The following HARBI1 variants were observed in gnomAD, a reference collection of about 807,000 sequenced individuals.
HARBI1 encodes putative nuclease HARBI1.
A neutral mutation model predicts 25.3 loss-of-function variants in HARBI1; 15 were observed. The ratio of observed to expected loss-of-function variants is 0.59; its 90% CI spans 0.40 to 0.91. The LOEUF (loss-of-function observed/expected upper bound fraction) is 0.91, where lower values mean the gene tolerates loss of function less well. Ranked by LOEUF, HARBI1 falls within the 40% of genes least tolerant of loss-of-function variation. The probability of loss-of-function intolerance (pLI) is 0.00; values close to 1 mark genes in which losing one functional copy is unlikely to be tolerated. For synonymous variants in HARBI1, 168 were observed against 160.5 expected (o/e 1.05, Z -0.35); for missense variants, 396 against 445.8 (o/e 0.89, Z 1.01).
chr11:46,616,879 C>T, intron 1 of HARBI1: 5 of 944,310 alleles, frequency 5.3e-6, no homozygotes, highest in Non-Finnish European at 6.2e-6. Context: ...AAGTCCACAA[C>T]CCAGCCTTAT....
upstream of HARBI1, chr11:46,617,410 GA>G (rs1394408021): frequency 8.8e-5 from 14 of 159,892 alleles, no homozygotes; most frequent in African/African-American, 3.4e-4. Context: ...GATTGGAGAA[GA>G]AAGCTTACGT....
chr11:46,610,216 A>T (rs965513918), intron 2 of HARBI1, among the ~76,000 whole-genome samples: 2 of 152,038 alleles, frequency 1.3e-5, no homozygotes, highest in Admixed American at 6.6e-5. Context: ...ACTACTCGGT[A>T]GACTGATGTG....
rs1396348815 is a variant in HARBI1 at position 46,616,103 on chromosome 11, G to A, written c.135C>T (p.Phe45=). 1.9e-6 allele frequency: 3 copies of A among 1,614,156 alleles called. No homozygotes were observed. Among genetic ancestry groups the A allele is most frequent in the Non-Finnish European group, 2.5e-6 (3 of 1,180,038 alleles). Residue 45 remains phenylalanine (F), a synonymous_variant, in exon 2 of 3, where the codon TTC becomes TTT. Coordinates refer to ENST00000326737, the MANE Select transcript of HARBI1 (RefSeq NM_173811.4). ...LMSMYGFPRQ[F]IYYLVELLGA... The stretch of plus-strand genomic sequence containing the variant: ...CCAAGAGCTCCACCAAGTAATAAAT[G>A]AACTGCCGTGGAAACCCATACATGG...
At position 46,603,659 on chromosome 11, in the gene HARBI1, C is replaced by T. The variant is rs2044834022; in HGVS notation, c.921G>A (p.Met307Ile). The change falls in exon 3 of 3, where the codon ATG (methionine) becomes ATA (isoleucine). Residue 307 changes from methionine to isoleucine, a missense_variant. Transcript: ENST00000326737. ...VLHNISLEHG[M>I]DVWSSPMTGP... ...CTGTCATTGGAGAGGACCAAACATC[C>T]ATCCCATGCTCCAGGGAGATGTTGT... The T allele has an allele frequency of 6.2e-7, 1 of 1,614,212 alleles. No homozygotes were observed. Among genetic ancestry groups the T allele is most frequent in the East Asian group, 2.2e-5 (1 of 44,886 alleles).
In HARBI1 at chr11:46,603,903, C is replaced by G. The variant is rs568221882; in HGVS notation, c.677G>C (p.Ser226Thr). 6.2e-7 allele frequency: 1 copy of G among 1,608,544 alleles called. No homozygotes were observed. Among genetic ancestry groups the G allele is most frequent in the South Asian group, 1.1e-5 (1 of 90,500 alleles). The change falls in exon 3 of 3, where the codon AGT becomes ACT. Residue 226 changes from serine to threonine, a missense_variant. Physicochemically the swap from Ser to Thr is moderately conservative, Grantham distance 58 (BLOSUM62 1). Transcript: ENST00000326737. Reference sequence around the variant, plus strand: ...GAGCCAGGTTCGAAGAAAGAAGGAACTGTCACCTGTGGGGAAGGCCCAAAT... The same window carrying G: ...GAGCCAGGTTCGAAGAAAGAAGGAAGTGTCACCTGTGGGGAAGGCCCAAAT... ...MHKDSWLLGDSSFFLRTWLMT... is the reference protein window; with the variant it reads ...MHKDSWLLGDTSFFLRTWLMT...
chr11:46,608,614 A>T (rs74790759), intron 2 of HARBI1, among the ~76,000 whole-genome samples: 1 of 149,470 alleles, frequency 6.7e-6, no homozygotes, highest in African/African-American at 2.5e-5. Context: ...CCTGGCAATT[A>T]AAAAAAAAAT....
In HARBI1 at chr11:46,603,746, C is replaced by T. The variant is rs972136826; in HGVS notation, c.834G>A (p.Lys278=). 13 of 1,614,186 alleles carry T rather than the reference C, an allele frequency of 8.1e-6. No homozygotes were observed. Among genetic ancestry groups the T allele is most frequent in the Non-Finnish European group, 1.0e-5 (12 of 1,180,036 alleles). The change falls in exon 3 of 3, where the codon AAG becomes AAA. Residue 278 remains lysine (K), a synonymous_variant. Coordinates refer to ENST00000326737, the MANE Select transcript of HARBI1 (RefSeq NM_173811.4). ...CSRFRCLDGS[K]GALQYSPEKS... ...TCTCTGGTGAGTACTGCAGTGCCCC[C>T]TTGGATCCATCCAGGCAGCGGAATC... is the stretch of plus-strand genomic sequence containing the variant.
At position 46,616,167 on chromosome 11, in the gene HARBI1, C is replaced by CTAA; in HGVS notation, c.70_71insTTA (p.Arg24delinsLeuSer). ...ATCAGTCACATCATCCAGCTTAAAA[C>CTAA]GGTCCAATGTCCGGTGACCACGGCC... On this transcript the variant is annotated protein_altering_variant, in exon 2 of 3. Coordinates refer to ENST00000326737, the MANE Select transcript of HARBI1 (RefSeq NM_173811.4). The CTAA allele has an allele frequency of 6.2e-7, 1 of 1,613,912 alleles. No homozygotes were observed. The highest frequency in any genetic ancestry group is 8.5e-7 in the Non-Finnish European group (1 of 1,180,036).
intron 2 of HARBI1, among the ~76,000 whole-genome samples, chr11:46,608,035 A>G (rs1013909808): frequency 3.9e-5 from 6 of 152,000 alleles, no homozygotes; most frequent in African/African-American, 7.3e-5. Context: ...GCAGGGCTTC[A>G]TGCCTGTAAT....
chr11:46,604,537 A>T, intron 2 of HARBI1: 2 of 985,182 alleles, frequency 2.0e-6, no homozygotes, highest in Non-Finnish European at 2.4e-6. Context: ...AAACAGGAAA[A>T]AAGAGAATTC....
intron 2 of HARBI1, among the ~76,000 whole-genome samples, chr11:46,607,323 T>G (rs2044994668): frequency 6.6e-6 from 1 of 151,676 alleles, no homozygotes; most frequent in Non-Finnish European, 1.5e-5. Flanking sequence ...AGGTTAGATA[T>G]TGAACTTATT....
At chr11:46,616,816 C>G in intron 1 of HARBI1, 1 of 30,518 alleles carries the variant, frequency 3.3e-5, no homozygotes, top group Non-Finnish European at 4.5e-5. Flanking sequence ...ACCAGTCTAA[C>G]AAGAAAAGAA....
intron 2 of HARBI1, among the ~76,000 whole-genome samples, chr11:46,610,005 AC>A (rs2045112232): frequency 6.6e-6 from 1 of 151,702 alleles, no homozygotes; most frequent in African/African-American, 2.4e-5. Flanking sequence ...AGTGCCCACC[AC>A]CATGCCTGGG....
At chr11:46,608,623 A>ATT (rs775113474) in intron 2 of HARBI1, among the ~76,000 whole-genome samples, 2,648 of 142,106 alleles carry the variant, frequency 0.019, 86 homozygotes, top group African/African-American at 0.065. Context: ...TAAAAAAAAA[A>ATT]TTTTTTTTTT....
chr11:46,616,851 A>AC (rs1176218897), intron 1 of HARBI1: 83 of 971,314 alleles, frequency 8.5e-5, no homozygotes, highest in Non-Finnish European at 9.6e-5. Context: ...AAAAAAAAAA[A>AC]AAAAAAAAAA....
chr11:46,604,029 CACACTAGA>C, intron 2 of HARBI1, 120 bp from the exon 3 acceptor site: 1 of 1,422,464 alleles, frequency 7.0e-7, no homozygotes, highest in Non-Finnish European at 9.1e-7. Flanking sequence ...GGCGCCAAAG[CACACTAGA>C]AAAACCAAGC....
At position 46,603,377 on chromosome 11, in the gene HARBI1, G is replaced by A; in HGVS notation, c.*153C>T. 2 of 715,122 alleles carry A rather than the reference G, an allele frequency of 2.8e-6. No homozygotes were observed. Among genetic ancestry groups the A allele is most frequent in the Non-Finnish European group, 4.6e-6 (2 of 431,036 alleles). The allele number at this position is 715,122 out of a possible 1,614,324, so 44.3% of individuals were successfully genotyped here. The stretch of plus-strand genomic sequence containing the variant: ...AAATGAATCAAGATATTCTGGCATA[G>A]CCCCAACCTTACCAAAACACACATA... On this transcript the variant is annotated 3_prime_UTR_variant, in exon 3 of 3. Coordinates refer to ENST00000326737, the MANE Select transcript of HARBI1 (RefSeq NM_173811.4).
At chr11:46,604,545 T>A (rs1359469582) in intron 2 of HARBI1, 1 of 985,106 alleles carries the variant, frequency 1.0e-6, no homozygotes, top group Admixed American at 6.2e-5. Flanking sequence ...AAAAAGAGAA[T>A]TCTGCCAAGA....
intron 2 of HARBI1, among the ~76,000 whole-genome samples, chr11:46,610,295 G>C (rs2045125080): frequency 6.6e-6 from 1 of 151,434 alleles, no homozygotes; most frequent in African/African-American, 2.4e-5. Context: ...ACTCCAGCGT[G>C]GGTGACAGAG....
Sources: gnomAD v4.1 joint callset for allele counts (sites outside exome capture counted in the v4.1 genomes callset) on GRCh38, gnomAD v4.1.1 for gene constraint, MANE v1.5 for transcripts, NCBI Gene and HGNC (gene_info 2026-07-23, HGNC 2026-07-21) for gene names.